Variants in GRIP1 observed in about 807,000 individuals in gnomAD.
GRIP1 encodes glutamate receptor interacting protein 1.
GRIP1 carries 45 observed loss-of-function variants against 129.9 expected under a neutral mutation model. The ratio of observed to expected loss-of-function variants is 0.35; its 90% CI spans 0.27 to 0.44. The LOEUF (loss-of-function observed/expected upper bound fraction) is 0.44. Ranked by LOEUF, GRIP1 falls within the 20% of genes least tolerant of loss-of-function variation. The probability of loss-of-function intolerance (pLI) is 1.00; values close to 1 mark genes in which losing one functional copy is unlikely to be tolerated. For missense variants in GRIP1, 1,196 were observed against 1,396.8 expected, an observed-to-expected ratio of 0.86 and a Z score of 2.29; for synonymous variants, 530 against 520.8, an observed-to-expected ratio of 1.02 and a Z score of -0.24.
intron 1 of GRIP1, among the ~76,000 whole-genome samples, chr12:66,689,605 A>G (rs960758610): frequency 2.6e-5 from 4 of 152,206 alleles, no homozygotes; most frequent in Admixed American, 6.5e-5. Flanking sequence ...ATATATATAC[A>G]CTGTTAAATG....
chr12:66,760,848 T>TC (rs2136668326), intron 1 of GRIP1, among the ~76,000 whole-genome samples: 1 of 141,238 alleles, frequency 7.1e-6, no homozygotes, highest in Admixed American at 7.1e-5. Flanking sequence ...AGTTAGTATC[T>TC]TTTTTTTTTT....
intron 1 of GRIP1, among the ~76,000 whole-genome samples, chr12:66,757,465 A>G (rs1448964635): frequency 6.6e-6 from 1 of 152,166 alleles, no homozygotes; most frequent in Non-Finnish European, 1.5e-5. Flanking sequence ...CATTTCCCTT[A>G]TCCATTCATC....
intron 1 of GRIP1, among the ~76,000 whole-genome samples, chr12:66,637,088 C>T (rs11176345): frequency 0.2 from 29,984 of 152,022 alleles, 3,089 homozygotes; most frequent in Non-Finnish European, 0.23. Context: ...GTGTGCATTC[C>T]AGGGAACCTA....
chr12:66,767,264 G>A (rs2037669972), intron 1 of GRIP1, among the ~76,000 whole-genome samples: 1 of 152,008 alleles, frequency 6.6e-6, no homozygotes, highest in South Asian at 2.1e-4. Context: ...TTTCAATAAA[G>A]GTACTTTAAC....
chr12:66,522,659 C>T (rs1372748315), intron 5 of GRIP1, among the ~76,000 whole-genome samples: 2 of 152,158 alleles, frequency 1.3e-5, no homozygotes, highest in African/African-American at 2.4e-5. Flanking sequence ...CAGCTCCTCA[C>T]CAGCAATGGA....
At chr12:66,356,874 T>C (rs1463056682) in intron 23 of GRIP1, among the ~76,000 whole-genome samples, 4 of 152,224 alleles carry the variant, frequency 2.6e-5, no homozygotes, top group Non-Finnish European at 5.9e-5. Context: ...ATTTTTATTT[T>C]ATTTTTAATT....
chr12:66,428,133 C>T (rs1565728015), intron 14 of GRIP1, among the ~76,000 whole-genome samples: 2 of 152,114 alleles, frequency 1.3e-5, no homozygotes, highest in African/African-American at 4.8e-5. Context: ...CAAGTGGACC[C>T]AAGTTTGGTT....
intron 1 of GRIP1, among the ~76,000 whole-genome samples, chr12:66,947,044 C>CAA (rs1166741520): frequency 1.5e-5 from 2 of 134,608 alleles, no homozygotes; most frequent in Non-Finnish European, 1.6e-5. Flanking sequence ...AACTCCATCT[C>CAA]AAAAAAAAAA....
intron 2 of GRIP1, among the ~76,000 whole-genome samples, chr12:66,580,062 G>C (rs2063312705): frequency 1.3e-5 from 2 of 148,836 alleles, no homozygotes; most frequent in Admixed American, 6.8e-5. Flanking sequence ...GGATCTCTTG[G>C]CAGAAACTCT....
intron 13 of GRIP1, among the ~76,000 whole-genome samples, chr12:66,443,215 G>A (rs2058518480): frequency 1.3e-5 from 2 of 152,160 alleles, no homozygotes; most frequent in South Asian, 4.1e-4. Flanking sequence ...ATTATGCCTT[G>A]TTTTTGGGCT....
At chr12:66,954,658 T>C (rs900135661) in intron 1 of GRIP1, among the ~76,000 whole-genome samples, 8 of 152,222 alleles carry the variant, frequency 5.3e-5, no homozygotes. Flanking sequence ...AACCATTCGA[T>C]GTGGAACAAA....
intron 1 of GRIP1, among the ~76,000 whole-genome samples, chr12:66,636,388 A>C (rs1592681814): frequency 2.6e-5 from 4 of 152,308 alleles, no homozygotes; most frequent in South Asian, 4.1e-4. Flanking sequence ...TACGCACTTA[A>C]ATATGGTTAA....
At chr12:66,899,528 AT>A (rs1285752406) in intron 1 of GRIP1, among the ~76,000 whole-genome samples, 4 of 150,824 alleles carry the variant, frequency 2.7e-5, no homozygotes, top group African/African-American at 4.9e-5. Flanking sequence ...ATACCTGGCT[AT>A]TTTTTTTTAA....
intron 1 of GRIP1, among the ~76,000 whole-genome samples, chr12:66,922,733 C>G (rs1328931431): frequency 1.3e-5 from 2 of 152,176 alleles, no homozygotes; most frequent in Non-Finnish European, 2.9e-5. Flanking sequence ...TTTTACCCTT[C>G]CCCCTTTTCT....
At chr12:66,701,658 C>T (rs2035358544) in intron 1 of GRIP1, among the ~76,000 whole-genome samples, 1 of 152,178 alleles carries the variant, frequency 6.6e-6, no homozygotes, top group Non-Finnish European at 1.5e-5. Flanking sequence ...GAATTCAGCA[C>T]ACAATTAACC....
At chr12:66,577,435 T>C (rs564548801) in intron 2 of GRIP1, among the ~76,000 whole-genome samples, 4 of 152,206 alleles carry the variant, frequency 2.6e-5, no homozygotes, top group Admixed American at 2.0e-4. Context: ...GTGTATGTGA[T>C]GCACGCACAT....
At chr12:66,718,724 C>A (rs1437142849) in intron 1 of GRIP1, among the ~76,000 whole-genome samples, 2 of 151,992 alleles carry the variant, frequency 1.3e-5, no homozygotes, top group African/African-American at 4.8e-5. Flanking sequence ...TGGTGGCAGG[C>A]ACCTGTAATC....
intron 14 of GRIP1, among the ~76,000 whole-genome samples, chr12:66,426,734 A>T (rs1458739205): frequency 6.6e-6 from 1 of 152,190 alleles, no homozygotes; most frequent in Admixed American, 6.5e-5. Flanking sequence ...GTGGGTCTTA[A>T]GTGTAAGTTG....
intron 1 of GRIP1, among the ~76,000 whole-genome samples, chr12:66,662,084 C>A (rs929398548): frequency 3.3e-5 from 5 of 152,080 alleles, no homozygotes; most frequent in African/African-American, 4.8e-5. Context: ...GTGTACCAAC[C>A]TTGGAAGAAT....
Sources: gnomAD v4.1 joint callset for allele counts (sites outside exome capture counted in the v4.1 genomes callset) on GRCh38, gnomAD v4.1.1 for gene constraint, MANE v1.5 for transcripts, NCBI Gene and HGNC (gene_info 2026-07-23, HGNC 2026-07-21) for gene names.